GSDME: variants seen among roughly 807,000 people sequenced by gnomAD.
The protein encoded by GSDME is gasdermin-E.
Under a neutral mutation model 47.5 loss-of-function variants are expected in GSDME, and 44 were observed. The ratio of observed to expected loss-of-function variants is 0.93; its 90% CI spans 0.73 to 1.19. The LOEUF is 1.19. Ranked by LOEUF, GSDME falls within the 50% of genes most tolerant of loss-of-function variation. The pLI is 0.00. For missense variants in GSDME, 663 were observed against 604.2 expected (o/e 1.10, Z -1.02); for synonymous variants, 258 against 252.8 (o/e 1.02, Z -0.20).
At chr7:24,771,733 G>A in the GSDME span, among the ~76,000 whole-genome samples, 2 of 152,206 alleles carry the variant, frequency 1.3e-5, no homozygotes, top group Non-Finnish European at 2.9e-5. The surrounding 1 kb of genome is among the most constrained non-coding windows in gnomAD (Gnocchi z 4.1). Context: ...CTCACTTGAT[G>A]TGAAAAGGTC....
chr7:24,762,407 A>G (rs1048350484), upstream of GSDME, among the ~76,000 whole-genome samples: 8 of 152,218 alleles, frequency 5.3e-5, no homozygotes, highest in African/African-American at 1.9e-4. Flanking sequence ...CAGATGTCCA[A>G]TTTACAGAAA....
At chr7:24,755,995 G>A (rs1791004805) in intron 1 of GSDME, among the ~76,000 whole-genome samples, 1 of 152,196 alleles carries the variant, frequency 6.6e-6, no homozygotes, top group Admixed American at 6.5e-5. Flanking sequence ...TTAGAACAGA[G>A]GTGGCATCTT....
chr7:24,713,647 A>G (rs1789441321), intron 5 of GSDME, among the ~76,000 whole-genome samples: 1 of 152,270 alleles, frequency 6.6e-6, no homozygotes, highest in Admixed American at 6.5e-5. Flanking sequence ...CACGAGACCC[A>G]TGCTGGGCTG....
chr7:24,718,946 G>A lies in GSDME; in HGVS notation c.576+101C>T, dbSNP rs876308. 0.48 allele frequency: 642,409 copies of A among 1,330,130 alleles called. 171,453 individuals are homozygous for A. Among genetic ancestry groups the A allele is most frequent in the East Asian group, 1 (42,872 of 43,080 alleles). The allele number at this position is 1,330,130 out of a possible 1,614,324, so 82.4% of individuals were successfully genotyped here. On this transcript the variant is annotated intron_variant, in intron 4 of 9. Transcript: ENST00000645220. The stretch of plus-strand genomic sequence containing the variant: ...AGTTGGGTTTCTGTTAACTTGCTAC[G>A]GAAAGAGTCCTGACTAATGAAGACA...
Position 24,721,175 on chromosome 7 carries a change from CAG to C in GSDME, c.405-1959_405-1958del, listed in dbSNP as rs777221335. Among the ~76,000 whole-genome samples, 11 of 152,144 alleles carry C rather than the reference CAG, an allele frequency of 7.2e-5. No individual in the cohort carries two copies. Among genetic ancestry groups the C allele is most frequent in the Non-Finnish European group, 1.2e-4 (8 of 68,038 alleles). On this transcript the variant is annotated intron_variant, in intron 3 of 9. Coordinates refer to ENST00000645220, the MANE Select transcript of GSDME (RefSeq NM_001127453.2). This position sits in a 1 kb window ranked among gnomAD's most constrained non-coding sequence, Gnocchi z 4.1. ...ATGCAGAGTAGAGATGACGGCACAA[CAG>C]GGTGAATGTATTTAATGCCACTGAA... is the stretch of plus-strand genomic sequence containing the variant.
chr7:24,782,031 C>T, the GSDME span, among the ~76,000 whole-genome samples: 2 of 152,120 alleles, frequency 1.3e-5, no homozygotes, highest in African/African-American at 2.4e-5. Context: ...CAGAAATGAG[C>T]CACAGCACCC....
At chr7:24,706,057 A>T in intron 8 of GSDME, 127 bp downstream of exon 8, 1 of 1,194,184 alleles carries the variant, frequency 8.4e-7, no homozygotes, top group Non-Finnish European at 1.2e-6. Context: ...TCCCTGTACC[A>T]GAAGGGAAGG....
In GSDME at chr7:24,712,878, C is replaced by T. The variant is rs558298277; in HGVS notation, c.698-2490G>A. Among the ~76,000 whole-genome samples, 4 of 152,164 alleles carry T rather than the reference C, an allele frequency of 2.6e-5. No individual in the cohort carries two copies. The highest frequency in any genetic ancestry group is 3.9e-4 in the East Asian group (2 of 5,170). On this transcript the variant is annotated intron_variant, in intron 5 of 9. Coordinates refer to ENST00000645220, the MANE Select transcript of GSDME (RefSeq NM_001127453.2). The surrounding 1 kb of genome is among the most constrained non-coding windows in gnomAD (Gnocchi z 4.4). ...TACTAAAAATACAAAATTAGCCGGG[C>T]ATAGTGGTGCACACCTGTAATCCCA...
chr7:24,750,723 A>G (rs1790832235), intron 1 of GSDME, among the ~76,000 whole-genome samples: 1 of 152,358 alleles, frequency 6.6e-6, no homozygotes, highest in Non-Finnish European at 1.5e-5. Context: ...TTTTCTCTAC[A>G]CTGTGTGATT....
chr7:24,713,794 G>A (rs1012529622), intron 5 of GSDME, among the ~76,000 whole-genome samples: 2 of 152,220 alleles, frequency 1.3e-5, no homozygotes, highest in African/African-American at 4.8e-5. Context: ...AGACAGGAAA[G>A]AATCAGAGTA....
chr7:24,710,345 C>G lies in GSDME; in HGVS notation c.741G>C (p.Lys247Asn). 6.2e-7 allele frequency: 1 copy of G among 1,614,246 alleles called. No homozygotes were observed. The highest frequency in any genetic ancestry group is 1.7e-5 in the Admixed American group (1 of 60,026). Reference protein sequence around the residue: ...LRGKQGGFENKKRIDSVYLDP... With the variant: ...LRGKQGGFENNKRIDSVYLDP... Reference sequence around the variant, plus strand: ...CCAGGTAGACAGAGTCAATTCTCTTCTTGTTCTCGAAGCCACCTTGCTTCC... The same window carrying G: ...CCAGGTAGACAGAGTCAATTCTCTTGTTGTTCTCGAAGCCACCTTGCTTCC... Residue 247 changes from lysine to asparagine, a missense_variant, in exon 6 of 10, where the codon AAG (lysine) becomes AAC (asparagine). By Grantham distance (94) the Lys-to-Asn change is moderately conservative. Coordinates refer to ENST00000645220, the MANE Select transcript of GSDME (RefSeq NM_001127453.2).
intron 3 of GSDME, among the ~76,000 whole-genome samples, chr7:24,740,993 G>A (rs1790471697): frequency 1.3e-5 from 2 of 152,210 alleles, no homozygotes; most frequent in South Asian, 4.1e-4. Flanking sequence ...AGGGGAGGGA[G>A]CTGACAGGTG....
At chr7:24,753,664 A>C (rs1197877002) in intron 1 of GSDME, among the ~76,000 whole-genome samples, 1 of 152,216 alleles carries the variant, frequency 6.6e-6, no homozygotes, top group African/African-American at 2.4e-5. Context: ...GATTTTTGCA[A>C]GTCTGATAGG....
intron 3 of GSDME, among the ~76,000 whole-genome samples, chr7:24,734,671 T>G (rs545550623): frequency 3.5e-4 from 53 of 151,934 alleles, no homozygotes; most frequent in Non-Finnish European, 3.4e-4. Flanking sequence ...CACATCAGAG[T>G]CTCTTAAATA....
At chr7:24,713,321 CA>C (rs1562693276) in intron 5 of GSDME, among the ~76,000 whole-genome samples, 1 of 152,146 alleles carries the variant, frequency 6.6e-6, no homozygotes, top group Non-Finnish European at 1.5e-5. Flanking sequence ...TAACCTGCAT[CA>C]GGGGAAGGTT....
rs1417051534 is a variant in GSDME, at chr7:24,733,413, G to A, written c.404+11149C>T. ...GCTTGAGAAAAGCAGAGAGAAAAGAGGACTTTGTCTTGCAGCTTGGGTACC... is the reference window on the plus strand; with the variant it reads ...GCTTGAGAAAAGCAGAGAGAAAAGAAGACTTTGTCTTGCAGCTTGGGTACC... On this transcript the variant is annotated intron_variant, in intron 3 of 9. Coordinates refer to ENST00000645220, the MANE Select transcript of GSDME (RefSeq NM_001127453.2). The surrounding 1 kb of genome is among the most constrained non-coding windows in gnomAD (Gnocchi z 4.3). Among the ~76,000 whole-genome samples the A allele has an allele frequency of 6.6e-6, 1 of 152,138 alleles. No homozygotes were observed. The highest frequency in any genetic ancestry group is 6.5e-5 in the Admixed American group (1 of 15,278).
chr7:24,772,463 T>G, the GSDME span, among the ~76,000 whole-genome samples: 1 of 152,340 alleles, frequency 6.6e-6, no homozygotes, highest in Non-Finnish European at 1.5e-5. The surrounding 1 kb of genome is among the most constrained non-coding windows in gnomAD (Gnocchi z 4.5). Flanking sequence ...GAGTCATGCC[T>G]GTCTTTGCTC....
rs891086622 is a variant in GSDME at position 24,742,523 on chromosome 7, G to A, written c.404+2039C>T. Among the ~76,000 whole-genome samples the A allele has an allele frequency of 7.9e-5, 12 of 152,066 alleles. No individual in the cohort carries two copies. Among genetic ancestry groups the A allele is most frequent in the African/African-American group, 2.7e-4 (11 of 41,402 alleles). On this transcript the variant is annotated intron_variant, in intron 3 of 9. Transcript: ENST00000645220. This position sits in a 1 kb window ranked among gnomAD's most constrained non-coding sequence, Gnocchi z 4.4. The stretch of plus-strand genomic sequence containing the variant: ...TGTTGGCTCTGGCTTCTTTCTCTCC[G>A]GAATGTTTTCTCCCATCTCTTCTCA...
Position 24,716,146 on chromosome 7 carries a change from G to A in GSDME, c.697+1108C>T, listed in dbSNP as rs1438258719. ...AGAAGCAGGAGGCAGCAGCAGGCAT[G>A]TGCGTGGTCTATCACGGCCCTTTTA... is the stretch of plus-strand genomic sequence containing the variant. On this transcript the variant is annotated intron_variant, in intron 5 of 9. Coordinates refer to ENST00000645220, the MANE Select transcript of GSDME (RefSeq NM_001127453.2). The surrounding 1 kb of genome is among the most constrained non-coding windows in gnomAD (Gnocchi z 4.5). Among the ~76,000 whole-genome samples the A allele has an allele frequency of 6.6e-6, 1 of 152,230 alleles. No homozygotes were observed. Among genetic ancestry groups the A allele is most frequent in the Non-Finnish European group, 1.5e-5 (1 of 68,046 alleles).
Sources: gnomAD v4.1 joint callset for allele counts (sites outside exome capture counted in the v4.1 genomes callset) on GRCh38, gnomAD v4.1.1 for gene constraint, Gnocchi (gnomAD v3.1) non-coding constraint, MANE v1.5 for transcripts, NCBI Gene and HGNC (gene_info 2026-07-23, HGNC 2026-07-21) for gene names.